Variants in IQCJ observed in about 807,000 individuals in gnomAD.
IQCJ encodes IQ motif containing J, also known as IQ domain-containing protein J.
Under a neutral mutation model 11.0 loss-of-function variants are expected in IQCJ, and 9 were observed. The ratio of observed to expected loss-of-function variants is 0.82; its 90% CI spans 0.49 to 1.43. The LOEUF (loss-of-function observed/expected upper bound fraction) is 1.43. Ranked by LOEUF, IQCJ falls within the 40% of genes most tolerant of loss-of-function variation. IQCJ has a pLI of 0.00. For synonymous variants in IQCJ, 55 were observed against 51.3 expected, an observed-to-expected ratio of 1.07 and a Z score of -0.31; for missense variants, 146 against 133.2, an observed-to-expected ratio of 1.10 and a Z score of -0.47.
intron 1 of IQCJ, among the ~76,000 whole-genome samples, chr3:159,208,159 TG>T (rs763960227): frequency 3.9e-5 from 6 of 152,188 alleles, no homozygotes; most frequent in Non-Finnish European, 5.9e-5. Context: ...TTAGTGCCTC[TG>T]GGGAGCTCCT....
chr3:159,204,866 T>C (rs1042945506), intron 1 of IQCJ, among the ~76,000 whole-genome samples: 2 of 152,204 alleles, frequency 1.3e-5, no homozygotes, highest in Admixed American at 6.5e-5. Context: ...GCCTCTTCAA[T>C]TTGCACTTTA....
chr3:159,199,999 T>C (rs1724218589), intron 1 of IQCJ, among the ~76,000 whole-genome samples: 1 of 143,924 alleles, frequency 6.9e-6, no homozygotes, highest in South Asian at 2.4e-4. Context: ...AACTGTAATT[T>C]ATTCATAAGA....
intron 1 of IQCJ, among the ~76,000 whole-genome samples, chr3:159,200,690 A>G (rs1398567170): frequency 3.3e-5 from 5 of 152,214 alleles, no homozygotes; most frequent in Non-Finnish European, 7.3e-5. Context: ...CATCTAATTC[A>G]TTGAGCTTCA....
intron 1 of IQCJ, among the ~76,000 whole-genome samples, chr3:159,192,602 A>G (rs1348046288): frequency 6.6e-6 from 1 of 152,188 alleles, no homozygotes; most frequent in Non-Finnish European, 1.5e-5. Flanking sequence ...TTGATCAGCC[A>G]TTGCAGTTGA....
At chr3:159,115,971 A>G (rs766548150) in intron 1 of IQCJ, among the ~76,000 whole-genome samples, 6 of 152,152 alleles carry the variant, frequency 3.9e-5, no homozygotes, top group Non-Finnish European at 7.3e-5. Flanking sequence ...CCTAATGTAG[A>G]TGATGGGTTG....
chr3:159,111,693 C>A (rs528102580), intron 1 of IQCJ, among the ~76,000 whole-genome samples: 82 of 152,294 alleles, frequency 5.4e-4, no homozygotes, highest in Non-Finnish European at 9.1e-4. Flanking sequence ...CCCCAAAGAA[C>A]CTGCACCTTA....
At chr3:159,234,119 T>C (rs1468531929) in intron 1 of IQCJ, among the ~76,000 whole-genome samples, 2 of 152,194 alleles carry the variant, frequency 1.3e-5, no homozygotes, top group Non-Finnish European at 2.9e-5. Context: ...GCTTATTATA[T>C]TGGCACCTCA....
At chr3:159,092,281 A>G (rs1447270805) in intron 1 of IQCJ, among the ~76,000 whole-genome samples, 1 of 151,992 alleles carries the variant, frequency 6.6e-6, no homozygotes, top group African/African-American at 2.4e-5. Context: ...TTGTAAGACA[A>G]GTGGCTGGTA....
intron 1 of IQCJ, among the ~76,000 whole-genome samples, chr3:159,132,063 G>A (rs1247041195): frequency 6.6e-6 from 1 of 152,078 alleles, no homozygotes; most frequent in Non-Finnish European, 1.5e-5. Flanking sequence ...CTCACCCTCT[G>A]TTTGGAAACT....
intron 1 of IQCJ, among the ~76,000 whole-genome samples, chr3:159,116,675 C>G (rs1320090533): frequency 1.1e-4 from 11 of 96,070 alleles, no homozygotes; most frequent in Non-Finnish European, 1.7e-4. Context: ...TATATACACC[C>G]TTCATCTAGA....
rs147849936 is a variant in IQCJ, at chr3:159,224,726, A to C, written c.10-21117A>C. Among the ~76,000 whole-genome samples, 13 of 141,842 alleles carry C rather than the reference A, an allele frequency of 9.2e-5. No homozygotes were observed. In the East Asian group the frequency reaches 2.5e-3, roughly 28 times the overall value. The allele number at this position is 141,842 out of a possible 152,430, so 93.1% of individuals were successfully genotyped here. ...TGAACCTAGTTTCTTGTTGAACTTC[A>C]CCATGAGCATACACTCAGTAAAATC... On this transcript the variant is annotated intron_variant, in intron 1 of 3. Coordinates refer to ENST00000397832, the MANE Select transcript of IQCJ (RefSeq NM_001042706.3).
chr3:159,073,320 G>A (rs1715708055), intron 1 of IQCJ, among the ~76,000 whole-genome samples: 1 of 152,088 alleles, frequency 6.6e-6, no homozygotes, highest in Non-Finnish European at 1.5e-5. Flanking sequence ...TTTCTTGAAG[G>A]AAGATCTGAG....
intron 1 of IQCJ, among the ~76,000 whole-genome samples, chr3:159,235,738 A>T (rs1726542418): frequency 6.6e-6 from 1 of 152,174 alleles, no homozygotes. Context: ...TTCGACTTAG[A>T]TCGGGTGTTT....
chr3:159,258,535 G>A (rs563601899), intron 3 of IQCJ, among the ~76,000 whole-genome samples: 10 of 152,206 alleles, frequency 6.6e-5, no homozygotes, highest in African/African-American at 2.2e-4. Flanking sequence ...TTCACTTGTG[G>A]TAAGGATTGA....
intron 1 of IQCJ, among the ~76,000 whole-genome samples, chr3:159,226,580 G>A (rs1167039019): frequency 6.6e-6 from 1 of 152,222 alleles, no homozygotes; most frequent in African/African-American, 2.4e-5. Context: ...AGTAAAAGGT[G>A]TGTGGGACCA....
At chr3:159,238,814 AT>A (rs1726742963) in intron 1 of IQCJ, among the ~76,000 whole-genome samples, 4 of 152,088 alleles carry the variant, frequency 2.6e-5, no homozygotes, top group Non-Finnish European at 5.9e-5. Flanking sequence ...TTTGTTATGA[AT>A]CATTTGACTG....
chr3:159,188,541 A>G (rs974833001), intron 1 of IQCJ, among the ~76,000 whole-genome samples: 2 of 152,294 alleles, frequency 1.3e-5, no homozygotes, highest in East Asian at 1.9e-4. Context: ...CCCAGTCCCA[A>G]TTTCCCCTAT....
At chr3:159,241,839 A>G (rs543968110) in intron 1 of IQCJ, among the ~76,000 whole-genome samples, 12 of 152,238 alleles carry the variant, frequency 7.9e-5, no homozygotes, top group Non-Finnish European at 1.3e-4. Context: ...AGTGGAGACA[A>G]TCAAACACAA....
intron 1 of IQCJ, among the ~76,000 whole-genome samples, chr3:159,140,437 G>A (rs1210315211): frequency 6.6e-6 from 1 of 152,082 alleles, no homozygotes. Context: ...CAGGTCTGTG[G>A]GTCACACTGG....
Sources: allele counts gnomAD v4.1 joint callset (sites outside exome capture counted in the v4.1 genomes callset), GRCh38; gene constraint gnomAD v4.1.1; transcripts MANE v1.5; gene names NCBI Gene and HGNC (gene_info 2026-07-23, HGNC 2026-07-21).